Variants in MYLK4 observed in about 807,000 individuals in gnomAD.
MYLK4 encodes the protein myosin light chain kinase family member 4.
In MYLK4, 46 loss-of-function variants were observed where a neutral mutation model predicts 48.1. The ratio of observed to expected loss-of-function variants is 0.96; its 90% CI spans 0.75 to 1.22. The LOEUF (loss-of-function observed/expected upper bound fraction) is 1.22, where lower values mean the gene tolerates loss of function less well. Ranked by LOEUF, MYLK4 falls within the 50% of genes most tolerant of loss-of-function variation. MYLK4 has a pLI of 0.00. For synonymous variants in MYLK4, 170 were observed against 180.8 expected (o/e 0.94, Z 0.48); for missense variants, 451 against 486.1 (o/e 0.93, Z 0.68).
Position 2,715,333 on chromosome 6 carries a change from C to T in MYLK4, c.160-22474G>A, listed in dbSNP as rs555391222. On this transcript the variant is annotated intron_variant, in intron 2 of 12. Transcript: ENST00000274643. ...GAGTTCTGGAGATGGATGGTGCTGA[C>T]GGGCTGCACGACAATGTGAATGTAC... 7.9e-5 allele frequency among the ~76,000 whole-genome samples: 12 copies of T among 151,516 alleles called. No individual in the cohort carries two copies. The South Asian group carries it at 2.3e-3, about 29-fold the overall frequency.
At chr6:2,745,310 A>G (rs1764046294) in intron 2 of MYLK4, among the ~76,000 whole-genome samples, 1 of 140,130 alleles carries the variant, frequency 7.1e-6, no homozygotes, top group Non-Finnish European at 1.7e-5. Flanking sequence ...CTGACAAAAG[A>G]AAAAAAACCC....
chr6:2,713,251 T>C (rs1582082970), intron 2 of MYLK4, among the ~76,000 whole-genome samples: 2 of 151,616 alleles, frequency 1.3e-5, no homozygotes, highest in African/African-American at 4.8e-5. Context: ...ATGCCTGTAA[T>C]ACCAGCTACC....
chr6:2,752,432 C>G (rs1394422612), upstream of MYLK4, among the ~76,000 whole-genome samples: 14 of 151,948 alleles, frequency 9.2e-5, no homozygotes, highest in African/African-American at 3.4e-4. Flanking sequence ...GTTCCAGAAT[C>G]CCATGCAGGA....
chr6:2,678,642 G>A (rs1360053445), intron 9 of MYLK4, among the ~76,000 whole-genome samples: 2 of 151,568 alleles, frequency 1.3e-5, no homozygotes, highest in Non-Finnish European at 2.9e-5. Flanking sequence ...GCTACTACAT[G>A]CTCAGATGGC....
intron 2 of MYLK4, among the ~76,000 whole-genome samples, chr6:2,701,930 G>A (rs1000678438): frequency 6.6e-6 from 1 of 152,214 alleles, no homozygotes; most frequent in African/African-American, 2.4e-5. Flanking sequence ...TCCCAGCCTC[G>A]TGTGTCTATT....
intron 2 of MYLK4, among the ~76,000 whole-genome samples, chr6:2,703,846 T>C (rs143554767): frequency 0.03 from 4,587 of 152,044 alleles, 228 homozygotes; most frequent in African/African-American, 0.11. Context: ...AATTTTTGTA[T>C]TTTTAGTAGC....
chr6:2,729,639 T>C (rs967679651), intron 2 of MYLK4, among the ~76,000 whole-genome samples: 1 of 152,188 alleles, frequency 6.6e-6, no homozygotes, highest in African/African-American at 2.4e-5. Context: ...CTTTCCAGAC[T>C]GGACTTTAGT....
chr6:2,765,557 C>T, the MYLK4 span: 204 of 1,379,390 alleles, frequency 1.5e-4, no homozygotes, highest in African/African-American at 1.5e-3. Context: ...CGGAGGGCAT[C>T]GAAGGCCTCC....
chr6:2,762,741 G>A, the MYLK4 span, among the ~76,000 whole-genome samples: 2 of 152,196 alleles, frequency 1.3e-5, no homozygotes, highest in African/African-American at 2.4e-5. Flanking sequence ...ACAGTGCAGA[G>A]TTTCTTCTTT....
chr6:2,762,553 T>C, the MYLK4 span, among the ~76,000 whole-genome samples: 1 of 152,264 alleles, frequency 6.6e-6, no homozygotes, highest in Non-Finnish European at 1.5e-5. Flanking sequence ...CCACATTTAG[T>C]AACACTTTTC....
intron 2 of MYLK4, among the ~76,000 whole-genome samples, chr6:2,705,275 G>A (rs1342398373): frequency 6.6e-6 from 1 of 152,172 alleles, no homozygotes; most frequent in African/African-American, 2.4e-5. Context: ...CTGTCAACAT[G>A]GAAATCGTTC....
chr6:2,680,556 A>T, intron 7 of MYLK4: 1 of 985,398 alleles, frequency 1.0e-6, no homozygotes, highest in Non-Finnish European at 1.2e-6. Context: ...AGAGGCCTTG[A>T]GGGGAGCAAG....
chr6:2,734,234 A>G (rs868865016), intron 2 of MYLK4, among the ~76,000 whole-genome samples: 23 of 152,296 alleles, frequency 1.5e-4, no homozygotes, highest in South Asian at 1.0e-3. Flanking sequence ...TACCCAGCAC[A>G]TATGCGGCTT....
the MYLK4 span, among the ~76,000 whole-genome samples, chr6:2,763,006 G>C: frequency 1.3e-5 from 2 of 152,302 alleles, no homozygotes; most frequent in Admixed American, 6.5e-5. Context: ...GCAAAAGAAA[G>C]CCAAGCGGGT....
At chr6:2,694,574 GCTGC>G in intron 2 of MYLK4, among the ~76,000 whole-genome samples, 1 of 133,458 alleles carries the variant, frequency 7.5e-6, no homozygotes, top group Non-Finnish European at 1.6e-5. Flanking sequence ...TAGTGGTAGT[GCTGC>G]TGGTGGTGGT....
intron 3 of MYLK4, among the ~76,000 whole-genome samples, chr6:2,691,327 T>TA (rs906904787): frequency 1.3e-5 from 2 of 152,214 alleles, no homozygotes; most frequent in African/African-American, 4.8e-5. Flanking sequence ...GATACATTAT[T>TA]AAAAAATGAA....
At chr6:2,765,516 C>T in the MYLK4 span, 1 of 1,282,230 alleles carries the variant, frequency 7.8e-7, no homozygotes, top group Non-Finnish European at 9.8e-7. Flanking sequence ...TGCTGGTTCC[C>T]CGAGCGAGGG....
At chr6:2,754,875 C>T (rs568691403), upstream of MYLK4, among the ~76,000 whole-genome samples, 3 of 152,222 alleles carry the variant, frequency 2.0e-5, no homozygotes, top group East Asian at 3.9e-4. Flanking sequence ...AAGAGTCTCA[C>T]GCTTTTCTTC....
the MYLK4 span, among the ~76,000 whole-genome samples, chr6:2,768,017 A>C: frequency 1.3e-5 from 2 of 152,196 alleles, no homozygotes; most frequent in African/African-American, 4.8e-5. Context: ...ATCCTTTAGT[A>C]CTAATAACAA....
Sources: gnomAD v4.1 joint callset for allele counts (sites outside exome capture counted in the v4.1 genomes callset) on GRCh38, gnomAD v4.1.1 for gene constraint, MANE v1.5 for transcripts, NCBI Gene and HGNC (gene_info 2026-07-23, HGNC 2026-07-21) for gene names.